The following PHACTR4 variants were observed in gnomAD, a reference collection of about 807,000 sequenced individuals.
The protein encoded by PHACTR4 is protein phosphatase 1, regulatory subunit 124.
In PHACTR4, 51 loss-of-function variants were observed where a neutral mutation model predicts 72.7. The ratio of observed to expected loss-of-function variants is 0.70; its 90% CI spans 0.56 to 0.89. PHACTR4 has a LOEUF of 0.89. Among genes scored for constraint, PHACTR4 ranks in the 40% least tolerant of loss-of-function variants. The pLI is 0.00. For missense variants in PHACTR4, 731 were observed against 861.8 expected (o/e 0.85, Z 1.90); for synonymous variants, 255 against 302.5 (o/e 0.84, Z 1.63).
At chr1:28,457,289 A>T (rs1658459178) in intron 2 of PHACTR4, 2 of 447,158 alleles carry the variant, frequency 4.5e-6, no homozygotes, top group African/African-American at 4.0e-5. Context: ...TCTTTTGAAA[A>T]TACCTAGTTT....
rs1206889147 is a variant in PHACTR4, at chr1:28,440,307, GAA to G, written c.17-18759_17-18758del. On this transcript the variant is annotated intron_variant, in intron 2 of 13. Transcript: ENST00000373839. ...ACAGAGCGAAACTCCGTCTCAAAAA[GAA>G]AAAAAAAAAAAAAAAAAAGTTCATC... 8.8e-3 allele frequency among the ~76,000 whole-genome samples: 723 copies of G among 82,172 alleles called. 8 individuals carry two copies. Among genetic ancestry groups the G allele is most frequent in the African/African-American group, 0.032 (656 of 20,410 alleles). 53.9% of individuals were successfully genotyped at this position (82,172 alleles called of 152,430 possible).
intron 1 of PHACTR4, among the ~76,000 whole-genome samples, chr1:28,405,231 C>T (rs181913877): frequency 4.8e-4 from 73 of 152,204 alleles, no homozygotes; most frequent in African/African-American, 1.6e-3. Flanking sequence ...ATATAGGTTC[C>T]TTATCAGATA....
chr1:28,444,048 C>T (rs193237514), intron 2 of PHACTR4, among the ~76,000 whole-genome samples: 19 of 151,958 alleles, frequency 1.3e-4, no homozygotes, highest in African/African-American at 1.7e-4. Context: ...ACATTCCCAC[C>T]GACAGTGTAT....
intron 2 of PHACTR4, among the ~76,000 whole-genome samples, chr1:28,445,989 C>G (rs1341596757): frequency 6.6e-6 from 1 of 151,056 alleles, no homozygotes; most frequent in Non-Finnish European, 1.5e-5. Flanking sequence ...AGCTACATAA[C>G]AACAATAAAA....
intron 8 of PHACTR4, among the ~76,000 whole-genome samples, chr1:28,478,115 T>G (rs930076120): frequency 6.6e-6 from 1 of 152,170 alleles, no homozygotes; most frequent in Non-Finnish European, 1.5e-5. Flanking sequence ...GAGATCAACT[T>G]TTTTAGCTCC....
At chr1:28,472,948 T>C (rs1437400149) in intron 6 of PHACTR4, among the ~76,000 whole-genome samples, 2 of 151,084 alleles carry the variant, frequency 1.3e-5, no homozygotes, top group Non-Finnish European at 2.9e-5. Flanking sequence ...TTTTTTTGTC[T>C]CTATTCATAT....
chr1:28,425,352 C>T lies in PHACTR4; in HGVS notation c.16+17889C>T, dbSNP rs575390287. 2.0e-4 allele frequency among the ~76,000 whole-genome samples: 30 copies of T among 149,986 alleles called. 1 individual carries two copies. In the Middle Eastern group the frequency reaches 0.014, roughly 72 times the overall value. ...CAGGCTGGTCTCAAACTCCTGACCT[C>T]GTGATCTGCCTGCCTTGGCCTCCCA... On this transcript the variant is annotated intron_variant, in intron 2 of 13. Coordinates refer to ENST00000373839, the MANE Select transcript of PHACTR4 (RefSeq NM_001048183.3).
At chr1:28,439,020 G>A (rs1157198316) in intron 2 of PHACTR4, among the ~76,000 whole-genome samples, 1 of 152,170 alleles carries the variant, frequency 6.6e-6, no homozygotes, top group Non-Finnish European at 1.5e-5. Flanking sequence ...AGCTGATTGT[G>A]AGTATAGCTC....
chr1:28,371,664 G>A (rs1302331741), intron 1 of PHACTR4, among the ~76,000 whole-genome samples: 2 of 151,862 alleles, frequency 1.3e-5, no homozygotes, highest in Admixed American at 1.3e-4. Context: ...AGTGAGTTGA[G>A]CACTGCTCAC....
At chr1:28,396,536 A>G (rs549118196) in intron 1 of PHACTR4, among the ~76,000 whole-genome samples, 53 of 152,150 alleles carry the variant, frequency 3.5e-4, no homozygotes, top group Admixed American at 2.1e-3. Context: ...GTCTCAAAAA[A>G]AAAAGAAGAT....
At chr1:28,382,476 T>C (rs1394701610) in intron 1 of PHACTR4, among the ~76,000 whole-genome samples, 1 of 151,750 alleles carries the variant, frequency 6.6e-6, no homozygotes, top group Non-Finnish European at 1.5e-5. Context: ...GCTAATTTTT[T>C]GTATGTTTAG....
Position 28,500,205 on chromosome 1 carries a change from C to T in PHACTR4, c.*3656C>T, listed in dbSNP as rs190002295. 78 of 152,152 alleles carry T rather than the reference C, an allele frequency of 5.1e-4. No individual in the cohort carries two copies. Among genetic ancestry groups the T allele is most frequent in the African/African-American group, 1.7e-3 (72 of 41,492 alleles). 9.4% of individuals were successfully genotyped at this position (152,152 alleles called of 1,614,324 possible). A position where few individuals can be genotyped will look rare whatever the true frequency, so the allele number is the denominator to read the frequency against. ...ATGTAAGTACCAACTTATATGGAAACTCACAATCATAATGTAAAGAAGAAA... is the reference window on the plus strand; with the variant it reads ...ATGTAAGTACCAACTTATATGGAAATTCACAATCATAATGTAAAGAAGAAA... On this transcript the variant is annotated 3_prime_UTR_variant, in exon 14 of 14. Coordinates refer to ENST00000373839, the MANE Select transcript of PHACTR4 (RefSeq NM_001048183.3).
At chr1:28,385,913 C>T (rs1286304331) in intron 1 of PHACTR4, among the ~76,000 whole-genome samples, 3 of 152,090 alleles carry the variant, frequency 2.0e-5, no homozygotes, top group African/African-American at 2.4e-5. Flanking sequence ...CCACGCCCGG[C>T]TGGTTTTAAG....
At chr1:28,404,206 T>C (rs1654146264) in intron 1 of PHACTR4, among the ~76,000 whole-genome samples, 1 of 150,936 alleles carries the variant, frequency 6.6e-6, no homozygotes, top group South Asian at 2.1e-4. Context: ...TGCCTTGTCC[T>C]CCCAAAGTGC....
chr1:28,443,692 T>G (rs1030070107), intron 2 of PHACTR4, among the ~76,000 whole-genome samples: 2 of 152,000 alleles, frequency 1.3e-5, no homozygotes, highest in Non-Finnish European at 2.9e-5. Flanking sequence ...TGGACTCAAG[T>G]GATCTTCCTG....
chr1:28,476,360 A>C (rs1659918971), intron 8 of PHACTR4, 69 bp downstream of exon 8: 3 of 1,428,618 alleles, frequency 2.1e-6, no homozygotes, highest in Non-Finnish European at 2.8e-6. Flanking sequence ...GATCTTAGCA[A>C]GTGTCAAAAG....
rs555863661 is a variant in PHACTR4 at position 28,474,096 on chromosome 1, A to C, written c.1366A>C (p.Ser456Arg). 229 of 1,614,114 alleles carry C rather than the reference A, an allele frequency of 1.4e-4. No homozygotes were observed. The highest frequency in any genetic ancestry group is 1.9e-4 in the Non-Finnish European group (228 of 1,180,044). ...AAACAGTGACAGCTTTTCTGAGGAC[A>C]GCAGTACGCTGGGTCGGACCAGGTC... Reference protein sequence around the residue: ...FENSDSFSEDSSTLGRTRSLP... With the variant: ...FENSDSFSEDRSTLGRTRSLP... Residue 456 changes from serine (S) to arginine (R), a missense_variant, in exon 7 of 14, where the codon AGC becomes CGC. Physicochemically the swap from Ser to Arg is moderately radical, Grantham distance 110. Around this residue, in one of 2 missense-constraint regions of PHACTR4, gnomAD observed 621 missense variants for 676.6 expected, o/e 0.92. Coordinates refer to ENST00000373839, the MANE Select transcript of PHACTR4 (RefSeq NM_001048183.3).
chr1:28,409,948 TA>T (rs1473414334), intron 2 of PHACTR4, among the ~76,000 whole-genome samples: 12 of 136,394 alleles, frequency 8.8e-5, no homozygotes, highest in Admixed American at 5.4e-4. Flanking sequence ...TACTTCTTCA[TA>T]AATTTTTTTT....
chr1:28,432,527 C>G (rs1036219991), intron 2 of PHACTR4, among the ~76,000 whole-genome samples: 4 of 151,842 alleles, frequency 2.6e-5, no homozygotes, highest in African/African-American at 9.7e-5. Flanking sequence ...GCCTGATGTT[C>G]TAGCTACTCC....
Sources: allele counts gnomAD v4.1 joint callset (sites outside exome capture counted in the v4.1 genomes callset), GRCh38; gene constraint gnomAD v4.1.1; regional missense constraint gnomAD v4.1.1; transcripts MANE v1.5; gene names NCBI Gene and HGNC (gene_info 2026-07-23, HGNC 2026-07-21).